The following PCCA variants were observed in gnomAD, a reference collection of about 807,000 sequenced individuals.
PCCA encodes the protein propionyl-CoA carboxylase alpha chain, mitochondrial.
PCCA carries 74 observed loss-of-function variants against 101.3 expected under a neutral mutation model. The ratio of observed to expected loss-of-function variants is 0.73; its 90% CI spans 0.61 to 0.89. The LOEUF is 0.89. PCCA is among the 40% of genes least tolerant of loss of function. The pLI, the probability that PCCA is intolerant of heterozygous loss-of-function variation, is 0.00. For synonymous variants in PCCA, 294 were observed against 313.6 expected, an observed-to-expected ratio of 0.94 and a Z score of 0.66; for missense variants, 891 against 907.0, an observed-to-expected ratio of 0.98 and a Z score of 0.23.
intron 1 of PCCA, among the ~76,000 whole-genome samples, chr13:100,092,798 A>G (rs917413296): frequency 9.2e-5 from 14 of 152,230 alleles, no homozygotes; most frequent in African/African-American, 3.4e-4. Flanking sequence ...TTAGGCTTAT[A>G]TGAATGCTTT....
chr13:100,286,966 C>T (rs1157095609), intron 12 of PCCA, among the ~76,000 whole-genome samples: 1 of 152,114 alleles, frequency 6.6e-6, no homozygotes, highest in African/African-American at 2.4e-5. Flanking sequence ...GCTCTATGAG[C>T]AATCAAACTG....
intron 21 of PCCA, chr13:100,491,535 G>T: frequency 2.2e-6 from 1 of 456,438 alleles, no homozygotes; most frequent in South Asian, 2.0e-5. Context: ...GGAAAAGAAT[G>T]GAAAGAAAGT....
intron 19 of PCCA, among the ~76,000 whole-genome samples, chr13:100,398,665 C>G (rs953161661): frequency 1.3e-5 from 2 of 151,996 alleles, no homozygotes; most frequent in African/African-American, 2.4e-5. Flanking sequence ...ATTCTACTTG[C>G]TAGAGCTGGA....
At chr13:100,454,558 A>G (rs554643569) in intron 21 of PCCA, among the ~76,000 whole-genome samples, 1 of 152,258 alleles carries the variant, frequency 6.6e-6, no homozygotes, top group Non-Finnish European at 1.5e-5. Flanking sequence ...TTTCCAAGAC[A>G]CACAGGTCAG....
intron 20 of PCCA, among the ~76,000 whole-genome samples, chr13:100,428,062 A>T (rs1178675219): frequency 2.0e-5 from 3 of 146,424 alleles, no homozygotes; most frequent in Non-Finnish European, 4.5e-5. Context: ...TAAAGCCATG[A>T]TTTTTTTTTT....
chr13:100,277,950 A>G (rs2063782951), intron 12 of PCCA, among the ~76,000 whole-genome samples: 1 of 152,194 alleles, frequency 6.6e-6, no homozygotes, highest in African/African-American at 2.4e-5. Context: ...GGCAAAAGTG[A>G]TCTATCTAGA....
intron 4 of PCCA, among the ~76,000 whole-genome samples, chr13:100,117,487 G>A (rs903798379): frequency 1.3e-5 from 2 of 150,976 alleles, no homozygotes; most frequent in Non-Finnish European, 2.9e-5. Flanking sequence ...CATGGATGAA[G>A]CTGGAAACCA....
intron 22 of PCCA, among the ~76,000 whole-genome samples, chr13:100,523,641 G>A (rs756503287): frequency 1.1e-4 from 16 of 152,160 alleles, no homozygotes; most frequent in East Asian, 1.9e-4. Flanking sequence ...AATGAGTGCC[G>A]CTCTGATAAT....
Position 100,492,430 on chromosome 13 carries a change from G to A in PCCA, c.1900-22997G>A, listed in dbSNP as rs116060369. Among the ~76,000 whole-genome samples, 1,435 of 152,070 alleles carry A rather than the reference G, an allele frequency of 9.4e-3. 21 individuals are homozygous for A. The highest frequency in any genetic ancestry group is 0.032 in the African/African-American group (1,312 of 41,510). On this transcript the variant is annotated intron_variant, in intron 21 of 23. Transcript: ENST00000376285. Reference sequence around the variant, plus strand: ...ATTACAGGCGTGAGCCGCCGAGCCCGGTGGACTGTCTTCTCTCTAAGCAGT... The same window carrying A: ...ATTACAGGCGTGAGCCGCCGAGCCCAGTGGACTGTCTTCTCTCTAAGCAGT...
chr13:100,123,527 T>A (rs1391065012), intron 4 of PCCA, among the ~76,000 whole-genome samples: 2 of 152,174 alleles, frequency 1.3e-5, no homozygotes, highest in Non-Finnish European at 1.5e-5. Flanking sequence ...TAAAATGAAA[T>A]TTTTAGGACT....
At chr13:100,409,946 G>C (rs1456816330) in intron 19 of PCCA, among the ~76,000 whole-genome samples, 1 of 151,978 alleles carries the variant, frequency 6.6e-6, no homozygotes, top group Admixed American at 6.6e-5. Flanking sequence ...TTTTAGTAGA[G>C]ACGGGGTTTC....
At chr13:100,175,725 C>G (rs1448705460) in intron 6 of PCCA, among the ~76,000 whole-genome samples, 1 of 152,168 alleles carries the variant, frequency 6.6e-6, no homozygotes, top group African/African-American at 2.4e-5. Flanking sequence ...GCCAAATACC[C>G]TGCCAGGCCT....
intron 16 of PCCA, among the ~76,000 whole-genome samples, chr13:100,317,899 A>G (rs975870247): frequency 2.0e-5 from 3 of 152,054 alleles, no homozygotes; most frequent in Non-Finnish European, 2.9e-5. Context: ...TCATCTCCCC[A>G]TTCTTGCCAT....
chr13:100,389,476 G>A (rs951533685), intron 19 of PCCA, among the ~76,000 whole-genome samples: 3 of 152,082 alleles, frequency 2.0e-5, no homozygotes, highest in Non-Finnish European at 4.4e-5. Flanking sequence ...ACACACTGGC[G>A]CCTACCAAAG....
intron 18 of PCCA, among the ~76,000 whole-genome samples, chr13:100,355,336 C>T (rs910379580): frequency 1.3e-5 from 2 of 151,950 alleles, no homozygotes; most frequent in African/African-American, 4.8e-5. Context: ...GTAATAAACC[C>T]ACACCTGAAA....
chr13:100,350,242 A>G (rs976939413), intron 18 of PCCA, among the ~76,000 whole-genome samples: 4 of 152,220 alleles, frequency 2.6e-5, no homozygotes, highest in African/African-American at 9.6e-5. Context: ...ACACATTTAT[A>G]CGTCAATGAA....
chr13:100,350,956 A>G (rs1438608290), intron 18 of PCCA, among the ~76,000 whole-genome samples: 1 of 152,240 alleles, frequency 6.6e-6, no homozygotes. Flanking sequence ...TATTCAGCTT[A>G]CAATCCCTTT....
Position 100,272,000 on chromosome 13 carries a change from T to A in PCCA, c.915-1196T>A, listed in dbSNP as rs115665216. 3.8e-3 allele frequency among the ~76,000 whole-genome samples: 576 copies of A among 152,348 alleles called. 4 individuals are homozygous for A. The highest frequency in any genetic ancestry group is 0.013 in the African/African-American group (555 of 41,582). On this transcript the variant is annotated intron_variant, in intron 11 of 23. Transcript: ENST00000376285. ...CATCTCAATCCTGCTCATTTGAGAA[T>A]AATTTTAATCCACAAGTAGAAAAGT...
intron 6 of PCCA, among the ~76,000 whole-genome samples, chr13:100,187,060 A>G (rs7997125): frequency 0.03 from 4,566 of 152,324 alleles, 221 homozygotes; most frequent in African/African-American, 0.1. Flanking sequence ...AAATATTTGA[A>G]TTATGCTGTA....
Sources: gnomAD v4.1 joint callset for allele counts (sites outside exome capture counted in the v4.1 genomes callset) on GRCh38, gnomAD v4.1.1 for gene constraint, MANE v1.5 for transcripts, NCBI Gene and HGNC (gene_info 2026-07-23, HGNC 2026-07-21) for gene names.